Variants in ITFG2 observed in about 807,000 individuals in gnomAD.
ITFG2 encodes KICSTOR complex protein ITFG2.
A neutral mutation model predicts 54.4 loss-of-function variants in ITFG2; 36 were observed. The ratio of observed to expected loss-of-function variants is 0.66; its 90% CI spans 0.51 to 0.87. ITFG2 has a LOEUF of 0.87. Ranked by LOEUF, ITFG2 falls within the 40% of genes least tolerant of loss-of-function variation. The pLI is 0.00. For missense variants in ITFG2, 524 were observed against 576.7 expected (o/e 0.91, Z 0.94); for synonymous variants, 211 against 225.4 (o/e 0.94, Z 0.57).
upstream of ITFG2, among the ~76,000 whole-genome samples, chr12:2,832,805 C>T (rs1462150565): frequency 1.3e-5 from 2 of 150,100 alleles, no homozygotes; most frequent in Non-Finnish European, 1.5e-5. Context: ...GCTCTATGCA[C>T]CTCTCCACCT....
At chr12:2,835,085 G>GGGCCCACAGCTGGCT, upstream of ITFG2, 1 of 1,439,432 alleles carries the variant, frequency 6.9e-7, no homozygotes, top group Admixed American at 2.8e-5. Context: ...AGGGTTGGCA[G>GGGCCCACAGCTGGCT]GGCCCACAGC....
At chr12:2,827,506 C>T, downstream of ITFG2, 1 of 1,566,198 alleles carries the variant, frequency 6.4e-7, no homozygotes, top group African/African-American at 1.4e-5. This position sits in a 1 kb window ranked among gnomAD's most constrained non-coding sequence, Gnocchi z 4.0. Context: ...TCTAAGGAAG[C>T]AAAGGGACAG....
At chr12:2,852,050 G>GT (rs925562970) in intron 2 of ITFG2, among the ~76,000 whole-genome samples, 272 of 149,686 alleles carry the variant, frequency 1.8e-3, no homozygotes, top group African/African-American at 5.8e-3. Context: ...TCAGGCAGGA[G>GT]TTTTTTTTTT....
upstream of ITFG2, among the ~76,000 whole-genome samples, chr12:2,835,946 C>T (rs186905006): frequency 7.9e-5 from 12 of 152,350 alleles, no homozygotes; most frequent in East Asian, 3.9e-4. Flanking sequence ...TTCATCCATA[C>T]GGTATGCCCA....
At chr12:2,828,900 GATAA>G (rs1470659172), downstream of ITFG2, among the ~76,000 whole-genome samples, 2 of 152,046 alleles carry the variant, frequency 1.3e-5, no homozygotes, top group Non-Finnish European at 2.9e-5. Flanking sequence ...AGAACTCCCA[GATAA>G]ATAAATCAAA....
At chr12:2,822,659 T>G (rs1387181787) in intron 9 of ITFG2, 135 bp from the exon 10 acceptor site, 3 of 729,564 alleles carry the variant, frequency 4.1e-6, no homozygotes, top group Admixed American at 4.3e-5. Context: ...GCTGTGAGCA[T>G]TATGTGAGGT....
At chr12:2,859,226 A>G (rs147746152) in intron 3 of ITFG2, 61 of 1,613,116 alleles carry the variant, frequency 3.8e-5, no homozygotes, top group Non-Finnish European at 5.1e-5. Flanking sequence ...CCCAGCGGGA[A>G]GTACTGGGCC....
chr12:2,817,110 A>G (rs2097924095), intron 1 of ITFG2, 113 bp from the exon 2 acceptor site: 2 of 655,738 alleles, frequency 3.1e-6, no homozygotes. Flanking sequence ...AATAAAGTAG[A>G]TGAAGATACA....
chr12:2,849,174 T>G, intron 2 of ITFG2: 11 of 1,472,216 alleles, frequency 7.5e-6, no homozygotes, highest in Non-Finnish European at 9.0e-6. Flanking sequence ...GAGCATTGAT[T>G]GAGAACACTG....
upstream of ITFG2, chr12:2,835,156 C>CGTGTGTGT (rs1404966974): frequency 2.4e-5 from 31 of 1,299,512 alleles, 5 homozygotes; most frequent in African/African-American, 5.5e-4. Flanking sequence ...GTGGATGGGG[C>CGTGTGTGT]GTATGTGTGT....
intron 4 of ITFG2, chr12:2,819,805 T>G: frequency 7.4e-6 from 2 of 269,446 alleles, no homozygotes; most frequent in Non-Finnish European, 1.4e-5. Flanking sequence ...ATAGGGGGCT[T>G]GTAGGTGGTG....
At chr12:2,849,790 A>T (rs368327751) in intron 2 of ITFG2, among the ~76,000 whole-genome samples, 1 of 152,182 alleles carries the variant, frequency 6.6e-6, no homozygotes, top group African/African-American at 2.4e-5. Context: ...ACTGCATATA[A>T]TATTATGATC....
At chr12:2,852,545 T>G (rs1041079209) in intron 2 of ITFG2, among the ~76,000 whole-genome samples, 6 of 152,046 alleles carry the variant, frequency 3.9e-5, no homozygotes, top group Middle Eastern at 3.2e-3. Flanking sequence ...TTTTTGATAT[T>G]TTTGTGGAGA....
At chr12:2,820,628 G>GGGGCCCCCCC in intron 5 of ITFG2, 96 bp from the exon 6 acceptor site, 1 of 251,778 alleles carries the variant, frequency 4.0e-6, no homozygotes. Flanking sequence ...CCCTGCCCCT[G>GGGGCCCCCCC]CCCCCGCCCC....
chr12:2,821,641 G>C, intron 8 of ITFG2, 45 bp downstream of exon 8: 1 of 1,613,678 alleles, frequency 6.2e-7, no homozygotes. Context: ...TGCCTGTAGG[G>C]TCTGCTCGGG....
At chr12:2,839,809 T>A (rs1371476733) in intron 1 of ITFG2, among the ~76,000 whole-genome samples, 1 of 152,222 alleles carries the variant, frequency 6.6e-6, no homozygotes, top group African/African-American at 2.4e-5. Flanking sequence ...TGCAGCAACA[T>A]GGATGCAGTT....
At chr12:2,844,083 C>T (rs1435443401) in intron 2 of ITFG2, among the ~76,000 whole-genome samples, 1 of 145,514 alleles carries the variant, frequency 6.9e-6, no homozygotes, top group African/African-American at 2.6e-5. Flanking sequence ...GGCGAAACCC[C>T]ATCTCTACTA....
In ITFG2 at chr12:2,859,669, AG is replaced by A. The variant is rs768870768; in HGVS notation, n.759del. The A allele has an allele frequency of 6.3e-6, 10 of 1,596,748 alleles. No individual in the cohort carries two copies. In the East Asian group the frequency reaches 1.8e-4, roughly 29 times the overall value. ...CCCTCCTCAGCTAGCAGCACCTGAA[AG>A]GGAAACAGAGATAAGGTGAACCAAC... On this transcript the variant is annotated non_coding_transcript_exon_variant, in exon 4 of 4. Coordinates refer to the ITFG2 transcript ENST00000537710.
rs1354869723 is a variant in ITFG2, at chr12:2,851,030, G to A, written n.301-6982G>A. On this transcript the variant is annotated intron_variant and non_coding_transcript_variant, in intron 2 of 3. Transcript: ENST00000537710. ...GACAGAGTCTCGCTTAGCCAGGCAT[G>A]GTGGCACGTGCCTGTAATCCCAGCT... is the stretch of plus-strand genomic sequence containing the variant. Among the ~76,000 whole-genome samples, 4 of 136,410 alleles carry A rather than the reference G, an allele frequency of 2.9e-5. No individual in the cohort carries two copies. The East Asian group carries it at 8.5e-4, about 29-fold the overall frequency. 89.5% of individuals were successfully genotyped at this position (136,410 alleles called of 152,430 possible).
Sources: gnomAD v4.1 joint callset for allele counts (sites outside exome capture counted in the v4.1 genomes callset) on GRCh38, gnomAD v4.1.1 for gene constraint, Gnocchi (gnomAD v3.1) non-coding constraint, MANE v1.5 for transcripts, NCBI Gene and HGNC (gene_info 2026-07-23, HGNC 2026-07-21) for gene names.